Variants in CDYL2 observed in about 807,000 individuals in gnomAD.
CDYL2 encodes the protein chromodomain Y like 2, also known as chromodomain Y-like protein 2.
CDYL2 carries 23 observed loss-of-function variants against 49.4 expected under a neutral mutation model. That is an observed-to-expected ratio of 0.47 (90% CI 0.34 to 0.66). The LOEUF (loss-of-function observed/expected upper bound fraction) is 0.66, where lower values mean the gene tolerates loss of function less well. CDYL2 is among the 30% of genes least tolerant of loss of function. The probability of loss-of-function intolerance (pLI) is 0.01; values close to 1 mark genes in which losing one functional copy is unlikely to be tolerated. For missense variants in CDYL2, 678 were observed against 656.4 expected (o/e 1.03, Z -0.36); for synonymous variants, 360 against 268.8 (o/e 1.34, Z -3.32).
At chr16:80,641,908 TAA>T (rs554451715) in intron 2 of CDYL2, among the ~76,000 whole-genome samples, 9 of 135,454 alleles carry the variant, frequency 6.6e-5, no homozygotes, top group African/African-American at 2.4e-4. Flanking sequence ...AATAAAAAAA[TAA>T]AAAAAAAAAG....
chr16:80,665,148 C>T (rs932656743), intron 2 of CDYL2, among the ~76,000 whole-genome samples: 1 of 152,140 alleles, frequency 6.6e-6, no homozygotes, highest in Admixed American at 6.6e-5. Context: ...ATAGATGTTA[C>T]ATATTTTCTA....
At chr16:80,712,255 T>A (rs1251019597) in intron 1 of CDYL2, among the ~76,000 whole-genome samples, 1 of 145,104 alleles carries the variant, frequency 6.9e-6, no homozygotes, top group African/African-American at 2.5e-5. Flanking sequence ...CTGAATGCAA[T>A]TAAATTTGCG....
chr16:80,690,182 A>T (rs969678394), intron 1 of CDYL2, among the ~76,000 whole-genome samples: 2 of 152,170 alleles, frequency 1.3e-5, no homozygotes, highest in African/African-American at 4.8e-5. Context: ...TCTGATGGCA[A>T]AGAGGAAGGT....
intron 1 of CDYL2, among the ~76,000 whole-genome samples, chr16:80,786,426 G>A (rs565436989): frequency 5.7e-4 from 87 of 152,210 alleles, no homozygotes; most frequent in Middle Eastern, 3.4e-3. Context: ...ACCATCTCAC[G>A]CCAGTTAGAA....
chr16:80,608,360 T>C (rs931560667), intron 5 of CDYL2, 125 bp from the exon 6 acceptor site: 6 of 1,082,848 alleles, frequency 5.5e-6, no homozygotes, highest in South Asian at 1.7e-5. Context: ...CAGATCCTTA[T>C]CTTATTTTGG....
intron 2 of CDYL2, among the ~76,000 whole-genome samples, chr16:80,657,656 C>T (rs900939807): frequency 2.0e-5 from 3 of 151,996 alleles, no homozygotes; most frequent in African/African-American, 7.3e-5. Flanking sequence ...ATATACTCTG[C>T]AACAGAGAAT....
chr16:80,671,910 T>C (rs71400108), intron 2 of CDYL2, among the ~76,000 whole-genome samples: 4,876 of 152,326 alleles, frequency 0.032, 115 homozygotes, highest in Non-Finnish European at 0.045. Context: ...TGTTTAGACC[T>C]AACCTAAATG....
chr16:80,781,351 A>G (rs951036919), intron 1 of CDYL2, among the ~76,000 whole-genome samples: 4 of 152,218 alleles, frequency 2.6e-5, no homozygotes, highest in African/African-American at 9.6e-5. Context: ...AACTATAAAC[A>G]TATGTGCATC....
intron 1 of CDYL2, among the ~76,000 whole-genome samples, chr16:80,766,348 T>C (rs1451656684): frequency 6.6e-6 from 1 of 152,188 alleles, no homozygotes; most frequent in Non-Finnish European, 1.5e-5. Flanking sequence ...GAGAAAAATT[T>C]AACCTCTACT....
rs78051383 is a variant in CDYL2 at position 80,685,429 on chromosome 16, T to C, written c.25-300A>G. ...CATCCAGGCTTACTTTTATTTGAAA[T>C]TGCCTTGCAAGGTTTCACAAGAGAT... is the stretch of plus-strand genomic sequence containing the variant. On this transcript the variant is annotated intron_variant, in intron 1 of 6. Coordinates refer to ENST00000570137, the MANE Select transcript of CDYL2 (RefSeq NM_152342.4). Among the ~76,000 whole-genome samples, 300 of 152,322 alleles carry C rather than the reference T, an allele frequency of 2.0e-3. 1 individual carries two copies. Among genetic ancestry groups the C allele is most frequent in the East Asian group, 0.015 (78 of 5,184 alleles).
chr16:80,637,197 AT>A (rs142464016), intron 2 of CDYL2, among the ~76,000 whole-genome samples: 1,935 of 148,274 alleles, frequency 0.013, 45 homozygotes, highest in African/African-American at 0.046. Context: ...TTAAAAAAAA[AT>A]CTTTTAGTTC....
chr16:80,644,184 C>T (rs559534755), intron 2 of CDYL2, among the ~76,000 whole-genome samples: 1 of 152,334 alleles, frequency 6.6e-6, no homozygotes, highest in Non-Finnish European at 1.5e-5. Flanking sequence ...GGGCAAAATG[C>T]CACCAGTTGC....
Position 80,772,451 on chromosome 16 carries a change from G to GC in CDYL2, c.24+31698dup, listed in dbSNP as rs755215151. On this transcript the variant is annotated intron_variant, in intron 1 of 6. Transcript: ENST00000570137. ...GAATTGTCTGGGAATAGTGCAAATTGCAATTTTTTTATTTTTTGGGAGACG... is the reference window on the plus strand; with the variant it reads ...GAATTGTCTGGGAATAGTGCAAATTGCCAATTTTTTTATTTTTTGGGAGACG... 4.3e-4 allele frequency among the ~76,000 whole-genome samples: 66 copies of GC among 152,246 alleles called. No homozygotes were observed. The Middle Eastern group carries it at 0.01, about 24-fold the overall frequency.
chr16:80,691,381 G>T (rs2142486905), intron 1 of CDYL2, among the ~76,000 whole-genome samples: 1 of 152,330 alleles, frequency 6.6e-6, no homozygotes, highest in South Asian at 2.1e-4. Flanking sequence ...AGCCAGAGAA[G>T]GCAGTAGGTT....
intron 1 of CDYL2, among the ~76,000 whole-genome samples, chr16:80,730,228 G>A (rs543402619): frequency 6.6e-6 from 1 of 152,072 alleles, no homozygotes; most frequent in African/African-American, 2.4e-5. Context: ...GAAAAAAAGA[G>A]AGAAGAATCA....
intron 1 of CDYL2, chr16:80,742,283 T>C (rs1233479207): frequency 3.3e-5 from 5 of 152,232 alleles, no homozygotes; most frequent in East Asian, 1.9e-4. Flanking sequence ...ACAACAAGGA[T>C]TGATTAAACA....
chr16:80,742,422 G>A (rs1905770104), intron 1 of CDYL2: 1 of 151,890 alleles, frequency 6.6e-6, no homozygotes, highest in Non-Finnish European at 1.5e-5. Flanking sequence ...ATAAATGGTT[G>A]AGTGGGTAGA....
At chr16:80,619,586 C>T (rs1010732858) in intron 4 of CDYL2, among the ~76,000 whole-genome samples, 1 of 152,218 alleles carries the variant, frequency 6.6e-6, no homozygotes, top group Non-Finnish European at 1.5e-5. Flanking sequence ...TGTGGTCCCC[C>T]TTTGATACAT....
In CDYL2 at chr16:80,647,862, CA is replaced by C. The variant is rs569576687; in HGVS notation, c.617-14627del. On this transcript the variant is annotated intron_variant, in intron 2 of 6. Transcript: ENST00000570137. Reference sequence around the variant, plus strand: ...ACCACAATAGAATAAAAGTAGAAATCAATAACAGGAATTTTAGAAACTATAC... The same window carrying C: ...ACCACAATAGAATAAAAGTAGAAATCATAACAGGAATTTTAGAAACTATAC... 3.7e-4 allele frequency among the ~76,000 whole-genome samples: 56 copies of C among 151,952 alleles called. 2 individuals are homozygous for C. In the East Asian group the frequency reaches 0.01, roughly 28 times the overall value.
Sources: gnomAD v4.1 joint callset for allele counts (sites outside exome capture counted in the v4.1 genomes callset) on GRCh38, gnomAD v4.1.1 for gene constraint, MANE v1.5 for transcripts, NCBI Gene and HGNC (gene_info 2026-07-23, HGNC 2026-07-21) for gene names.